NBPF15: variants seen among roughly 807,000 people sequenced by gnomAD.
NBPF15 encodes NBPF member 15.
A neutral mutation model predicts 62.2 loss-of-function variants in NBPF15; 74 were observed. That is an observed-to-expected ratio of 1.19 (90% CI 0.99 to 1.44). NBPF15 has a LOEUF of 1.44. Ranked by LOEUF, NBPF15 falls within the 40% of genes most tolerant of loss-of-function variation. NBPF15 has a pLI of 0.00. For missense variants in NBPF15, 790 were observed against 550.0 expected, an observed-to-expected ratio of 1.44 and a Z score of -4.36; for synonymous variants, 244 against 209.7, an observed-to-expected ratio of 1.16 and a Z score of -1.41.
intron 17 of NBPF15, 139 bp from the exon 18 acceptor site, chr1:144,426,589 C>A (rs1669835040): frequency 1.4e-6 from 1 of 708,422 alleles, no homozygotes. Flanking sequence ...GAATTATTGC[C>A]TTTATGTTGG....
intron 4 of NBPF15, among the ~76,000 whole-genome samples, chr1:144,453,638 CAAAAAA>C (rs200525708): frequency 1.4e-4 from 5 of 36,400 alleles, no homozygotes; most frequent in Non-Finnish European, 2.8e-4. Context: ...CAACACAAAG[CAAAAAA>C]AAAAAAAAAA....
chr1:144,436,536 C>T (rs1438536930), intron 10 of NBPF15, among the ~76,000 whole-genome samples: 3 of 152,010 alleles, frequency 2.0e-5, no homozygotes, highest in Non-Finnish European at 1.5e-5. Flanking sequence ...CTGACAGTTA[C>T]TAAGAACATT....
chr1:144,457,197 G>A (rs1553547200), intron 3 of NBPF15, among the ~76,000 whole-genome samples: 1 of 151,986 alleles, frequency 6.6e-6, no homozygotes. Context: ...TGAGTAGCCA[G>A]GGAAGTTTTC....
chr1:144,436,654 G>C lies in NBPF15; in HGVS notation c.493+241C>G, dbSNP rs1282783325. 9.9e-5 allele frequency among the ~76,000 whole-genome samples: 15 copies of C among 151,960 alleles called. 1 individual carries two copies. Among genetic ancestry groups the C allele is most frequent in the Non-Finnish European group, 1.9e-4 (13 of 67,958 alleles). On this transcript the variant is annotated intron_variant, in intron 10 of 21. Transcript: ENST00000581897. ...TCCTGTCCTTTAAAACTAGACAGAT[G>C]CTGCCTCATACTCCAAAGACCACCT...
At chr1:144,425,604 C>T (rs1292472885) in intron 18 of NBPF15, 36 bp from the exon 19 acceptor site, 80 of 536,742 alleles carry the variant, frequency 1.5e-4, no homozygotes, top group Admixed American at 7.9e-4. Flanking sequence ...ACAAAATAAG[C>T]CAATTCACCT....
chr1:144,459,669 G>T (rs1651006518), intron 2 of NBPF15, among the ~76,000 whole-genome samples, 186 bp from the exon 3 acceptor site: 2 of 151,704 alleles, frequency 1.3e-5, no homozygotes, highest in Admixed American at 1.3e-4. Context: ...ATGAAAACTG[G>T]ATAAAAAGAT....
At chr1:144,425,195 C>T (rs1189968316) in intron 19 of NBPF15, among the ~76,000 whole-genome samples, 1 of 132,118 alleles carries the variant, frequency 7.6e-6, no homozygotes, top group Non-Finnish European at 1.6e-5. Flanking sequence ...GAGTTAGTGC[C>T]CTCAGGACAC....
At chr1:144,426,212 A>G in intron 18 of NBPF15, 66 bp downstream of exon 18, 2 of 585,528 alleles carry the variant, frequency 3.4e-6, no homozygotes, top group Non-Finnish European at 5.8e-6. Flanking sequence ...GCCACTTGGA[A>G]CAGGAATATC....
At chr1:144,424,002 C>A (rs1667688068) in intron 20 of NBPF15, 27 bp from the exon 21 acceptor site, 2 of 763,566 alleles carry the variant, frequency 2.6e-6, no homozygotes, top group Non-Finnish European at 4.8e-6. Flanking sequence ...CATGGACAGA[C>A]ACATTAAGCT....
At chr1:144,459,055 T>C (rs1351860534) in intron 3 of NBPF15, among the ~76,000 whole-genome samples, 2 of 146,142 alleles carry the variant, frequency 1.4e-5, no homozygotes, top group Non-Finnish European at 3.0e-5. Context: ...AAAAAAGAAA[T>C]GCAAAAACTA....
intron 6 of NBPF15, among the ~76,000 whole-genome samples, chr1:144,444,250 T>C (rs1335821031): frequency 3.0e-4 from 44 of 147,972 alleles, no homozygotes; most frequent in Non-Finnish European, 1.5e-5. Context: ...GACTGAGTGG[T>C]TCAATTAAAT....
intron 16 of NBPF15, among the ~76,000 whole-genome samples, chr1:144,427,551 T>C (rs1670642843): frequency 6.8e-6 from 1 of 147,440 alleles, no homozygotes; most frequent in Non-Finnish European, 1.5e-5. Context: ...TGTGTGAATT[T>C]GTCACATCTG....
At chr1:144,447,579 G>A (rs1283411325) in intron 6 of NBPF15, among the ~76,000 whole-genome samples, 5 of 151,750 alleles carry the variant, frequency 3.3e-5, no homozygotes, top group Non-Finnish European at 5.9e-5. Flanking sequence ...AAGACAGGAT[G>A]GAAATGAGTG....
In NBPF15 at chr1:144,451,764, G is replaced by T. The variant is rs587733811; in HGVS notation, c.-431-894C>A. ...GGGTTACAGATTAACAGCGTCTCAA[G>T]GCAAAAGAATTTTTCTTAGTACAGA... On this transcript the variant is annotated intron_variant, in intron 4 of 21. Coordinates refer to ENST00000581897, the MANE Select transcript of NBPF15 (RefSeq NM_001385408.1). Among the ~76,000 whole-genome samples the T allele has an allele frequency of 5.3e-5, 8 of 151,418 alleles. No individual in the cohort carries two copies. In the East Asian group the frequency reaches 1.6e-3, roughly 29 times the overall value.
intron 10 of NBPF15, among the ~76,000 whole-genome samples, chr1:144,436,385 A>C (rs1315161125): frequency 6.6e-6 from 1 of 151,810 alleles, no homozygotes. Flanking sequence ...TGCCTTCTCC[A>C]ACATCACACG....
At chr1:144,451,714 C>A (rs1382450811) in intron 4 of NBPF15, among the ~76,000 whole-genome samples, 2 of 151,346 alleles carry the variant, frequency 1.3e-5, no homozygotes, top group African/African-American at 4.9e-5. Context: ...CAGCCCATGT[C>A]TTAGGGAGCA....
chr1:144,428,246 C>G (rs1304458416), intron 15 of NBPF15, among the ~76,000 whole-genome samples: 1 of 151,706 alleles, frequency 6.6e-6, no homozygotes, highest in Non-Finnish European at 1.5e-5. Flanking sequence ...AGGTGACACA[C>G]TGATGAGGGA....
intron 13 of NBPF15, among the ~76,000 whole-genome samples, chr1:144,431,613 G>C (rs1372958660): frequency 7.5e-6 from 1 of 133,514 alleles, no homozygotes; most frequent in African/African-American, 2.9e-5. Context: ...TTTAACATTA[G>C]GTATATCTCC....
intron 13 of NBPF15, among the ~76,000 whole-genome samples, chr1:144,431,382 C>G (rs1329638600): frequency 6.7e-6 from 1 of 150,164 alleles, no homozygotes; most frequent in Non-Finnish European, 1.5e-5. Context: ...TCTCTTGGCA[C>G]AAACCCTACA....
Sources: gnomAD v4.1 joint callset for allele counts (sites outside exome capture counted in the v4.1 genomes callset) on GRCh38, gnomAD v4.1.1 for gene constraint, MANE v1.5 for transcripts, NCBI Gene and HGNC (gene_info 2026-07-23, HGNC 2026-07-21) for gene names.